Variants in DIAPH3 observed in about 807,000 individuals in gnomAD.
DIAPH3 encodes the protein diaphanous related formin 3, also known as protein diaphanous homolog 3.
Under a neutral mutation model 144.3 loss-of-function variants are expected in DIAPH3, and 117 were observed. That is an observed-to-expected ratio of 0.81 (90% CI 0.70 to 0.95). DIAPH3 has a LOEUF of 0.95. Among genes scored for constraint, DIAPH3 ranks in the 40% least tolerant of loss-of-function variants. The pLI is 0.00. For missense variants in DIAPH3, 1,421 were observed against 1,412.7 expected, an observed-to-expected ratio of 1.01 and a Z score of -0.09; for synonymous variants, 519 against 488.9, an observed-to-expected ratio of 1.06 and a Z score of -0.81.
chr13:60,133,212 A>T (rs1416187250), intron 1 of DIAPH3, among the ~76,000 whole-genome samples: 1 of 152,084 alleles, frequency 6.6e-6, no homozygotes, highest in Admixed American at 6.5e-5. Context: ...AAATTTTTTT[A>T]CTTTGTAAAA....
At chr13:59,934,900 C>G (rs1316690347) in intron 17 of DIAPH3, among the ~76,000 whole-genome samples, 1 of 152,122 alleles carries the variant, frequency 6.6e-6, no homozygotes, top group Non-Finnish European at 1.5e-5. Context: ...TCCAAATTTT[C>G]CCTTGCTGTA....
chr13:59,696,324 G>T (rs1029635334), intron 27 of DIAPH3: 13 of 152,182 alleles, frequency 8.5e-5, no homozygotes, highest in Non-Finnish European at 1.6e-4. Context: ...TACAATATTA[G>T]AATATAAAAT....
At position 59,665,938 on chromosome 13, in the gene DIAPH3, A is replaced by G. The variant is rs2138564210; in HGVS notation, c.*646T>C. The G allele has an allele frequency of 6.6e-6, 1 of 152,430 alleles. No individual in the cohort carries two copies. The highest frequency in any genetic ancestry group is 1.5e-5 in the Non-Finnish European group (1 of 68,066). The allele number at this position is 152,430 out of a possible 1,614,324, so 9.4% of individuals were successfully genotyped here. A position where few individuals can be genotyped will look rare whatever the true frequency, so the allele number is the denominator to read the frequency against. On this transcript the variant is annotated 3_prime_UTR_variant, in exon 28 of 28. Coordinates refer to ENST00000400324, the MANE Select transcript of DIAPH3 (RefSeq NM_001042517.2). ...CATGCATTTGGCAAAGAGAGTGCAT[A>G]CATTCTTATTGCATCATTTTTCGTT... is the stretch of plus-strand genomic sequence containing the variant.
At chr13:59,776,673 G>T (rs2038430599) in intron 25 of DIAPH3, among the ~76,000 whole-genome samples, 1 of 152,000 alleles carries the variant, frequency 6.6e-6, no homozygotes, top group African/African-American at 2.4e-5. Flanking sequence ...TACTTTAATG[G>T]CATAAAGTTT....
At chr13:59,970,102 C>T (rs958538578) in intron 16 of DIAPH3, 44 bp from the exon 17 acceptor site, 7 of 1,182,740 alleles carry the variant, frequency 5.9e-6, no homozygotes, top group Non-Finnish European at 7.4e-6. Flanking sequence ...GTGAGTGTTT[C>T]ACCTGTCCCA....
chr13:60,114,130 A>G (rs1432900352), intron 2 of DIAPH3, among the ~76,000 whole-genome samples: 3 of 152,194 alleles, frequency 2.0e-5, no homozygotes, highest in Non-Finnish European at 4.4e-5. Flanking sequence ...TTCCTGAAGA[A>G]ACAGCCAGAA....
At chr13:59,757,722 A>C (rs1336496861) in intron 27 of DIAPH3, among the ~76,000 whole-genome samples, 1 of 152,080 alleles carries the variant, frequency 6.6e-6, no homozygotes, top group Non-Finnish European at 1.5e-5. Context: ...TCTTTACTAC[A>C]CAGCCATGTC....
chr13:59,720,870 C>A (rs1172791072), intron 27 of DIAPH3, among the ~76,000 whole-genome samples: 3 of 152,104 alleles, frequency 2.0e-5, no homozygotes, highest in African/African-American at 7.2e-5. Flanking sequence ...CAAGTATTCA[C>A]TGACTATCTG....
chr13:59,899,799 G>A (rs2046331435), intron 20 of DIAPH3, among the ~76,000 whole-genome samples: 1 of 152,126 alleles, frequency 6.6e-6, no homozygotes, highest in Admixed American at 6.5e-5. Flanking sequence ...TAAAACACAA[G>A]CAAAATTTTG....
rs201877974 is a variant in DIAPH3, at chr13:60,003,472, T to C, written c.1014+5072A>G. On this transcript the variant is annotated intron_variant, in intron 9 of 27. Coordinates refer to ENST00000400324, the MANE Select transcript of DIAPH3 (RefSeq NM_001042517.2). ...GTATGCTTATTTTAAGTCCTAGATT[T>C]ATATTTGTACTTTCTTTCCTGATAA... Among the ~76,000 whole-genome samples, 3 of 151,780 alleles carry C rather than the reference T, an allele frequency of 2.0e-5. No individual in the cohort carries two copies. The East Asian group carries it at 5.8e-4, about 29-fold the overall frequency.
intron 27 of DIAPH3, among the ~76,000 whole-genome samples, chr13:59,703,425 T>C (rs1193442683): frequency 6.6e-6 from 1 of 152,248 alleles, no homozygotes; most frequent in Non-Finnish European, 1.5e-5. Context: ...ATGTCCATTA[T>C]ACTTTTTTCT....
intron 17 of DIAPH3, among the ~76,000 whole-genome samples, chr13:59,956,569 C>A (rs571085768): frequency 2.0e-5 from 3 of 152,222 alleles, no homozygotes; most frequent in Non-Finnish European, 4.4e-5. Flanking sequence ...AGGGGCAAAG[C>A]CCTCATGGAG....
At chr13:60,016,018 T>C (rs1336009873) in intron 6 of DIAPH3, 36 bp from the exon 7 acceptor site, 1 of 1,610,362 alleles carries the variant, frequency 6.2e-7, no homozygotes, top group East Asian at 2.2e-5. Flanking sequence ...GTTGGAATTA[T>C]AATTGGACAT....
intron 27 of DIAPH3, among the ~76,000 whole-genome samples, chr13:59,759,457 C>CA (rs2037459811): frequency 6.6e-6 from 1 of 152,180 alleles, no homozygotes; most frequent in Admixed American, 6.5e-5. Context: ...CACATTTCTA[C>CA]AACATAGTAC....
intron 24 of DIAPH3, among the ~76,000 whole-genome samples, chr13:59,828,410 C>A (rs893118486): frequency 3.3e-5 from 5 of 151,858 alleles, no homozygotes; most frequent in African/African-American, 1.2e-4. Context: ...ATGCCCTGTG[C>A]TGATTCTCTC....
intron 3 of DIAPH3, among the ~76,000 whole-genome samples, chr13:60,101,688 T>C (rs910573990): frequency 1.3e-5 from 2 of 152,160 alleles, no homozygotes; most frequent in African/African-American, 4.8e-5. Context: ...TCCACTGTCC[T>C]CAGCTACAGT....
chr13:59,820,852 G>A (rs2041032549), intron 24 of DIAPH3, among the ~76,000 whole-genome samples: 1 of 149,858 alleles, frequency 6.7e-6, no homozygotes. Flanking sequence ...ATTAAAGTAG[G>A]CTGCCATAGA....
intron 27 of DIAPH3, among the ~76,000 whole-genome samples, chr13:59,728,066 C>CAAA (rs35223359): frequency 2.2e-4 from 33 of 148,006 alleles, no homozygotes; most frequent in Middle Eastern, 3.4e-3. Flanking sequence ...GACAGGGCAT[C>CAAA]AAAAAAAAAA....
intron 21 of DIAPH3, among the ~76,000 whole-genome samples, chr13:59,868,128 G>A (rs578070387): frequency 1.1e-3 from 168 of 152,120 alleles, no homozygotes; most frequent in African/African-American, 3.8e-3. Context: ...CCAGGAAAAT[G>A]ATTTAGTAAC....
Sources: allele counts gnomAD v4.1 joint callset (sites outside exome capture counted in the v4.1 genomes callset), GRCh38; gene constraint gnomAD v4.1.1; transcripts MANE v1.5; gene names NCBI Gene and HGNC (gene_info 2026-07-23, HGNC 2026-07-21).